PGGT1B: variants seen among roughly 807,000 people sequenced by gnomAD.
PGGT1B encodes the protein geranylgeranyl transferase type-1 subunit beta.
In PGGT1B, 30 loss-of-function variants were observed where a neutral mutation model predicts 46.1. That is an observed-to-expected ratio of 0.65 (90% confidence interval 0.49 to 0.88). The LOEUF is 0.88. Ranked by LOEUF, PGGT1B falls within the 40% of genes least tolerant of loss-of-function variation. PGGT1B has a pLI of 0.00. For missense variants in PGGT1B, 376 were observed against 455.9 expected (o/e 0.82, Z 1.60); for synonymous variants, 170 against 160.0 (o/e 1.06, Z -0.47).
chr5:115,229,591 C>T (rs138646693), intron 6 of PGGT1B, among the ~76,000 whole-genome samples: 428 of 152,186 alleles, frequency 2.8e-3, no homozygotes, highest in Non-Finnish European at 5.1e-3. Context: ...GTTTCATATT[C>T]CAGAGAATAT....
At chr5:115,246,591 A>G (rs976642126) in intron 2 of PGGT1B, among the ~76,000 whole-genome samples, 1 of 152,148 alleles carries the variant, frequency 6.6e-6, no homozygotes, top group Non-Finnish European at 1.5e-5. Context: ...TAGTGTTCCT[A>G]TTTAACAGTT....
chr5:115,247,977 T>C (rs1455395051), intron 2 of PGGT1B, among the ~76,000 whole-genome samples: 1 of 152,196 alleles, frequency 6.6e-6, no homozygotes. Flanking sequence ...AGATGACTTA[T>C]AATTTTTAAA....
chr5:115,216,618 A>G (rs1281697851), intron 8 of PGGT1B, among the ~76,000 whole-genome samples: 1 of 152,200 alleles, frequency 6.6e-6, no homozygotes, highest in Non-Finnish European at 1.5e-5. Context: ...GAAATAAAAC[A>G]TTACTAAGTA....
At position 115,208,965 on chromosome 5, in the gene PGGT1B, C is replaced by T. The variant is rs975586077; in HGVS notation, c.*3437G>A. 1 of 151,918 alleles carries T rather than the reference C, an allele frequency of 6.6e-6. No individual in the cohort carries two copies. The highest frequency in any genetic ancestry group is 1.5e-5 in the Non-Finnish European group (1 of 67,948). 9.4% of individuals were successfully genotyped at this position (151,918 alleles called of 1,614,324 possible). A position where few individuals can be genotyped will look rare whatever the true frequency, so the allele number is the denominator to read the frequency against. ...TCTATTTATTCTCTTATTTCTTATA[C>T]TAACTTTGACTGGAGTTGGACTGTA... is the stretch of plus-strand genomic sequence containing the variant. On this transcript the variant is annotated 3_prime_UTR_variant, in exon 9 of 9. Transcript: ENST00000419445.
chr5:115,221,863 T>C lies in PGGT1B; in HGVS notation c.804A>G (p.Val268=). 1 of 1,607,190 alleles carries C rather than the reference T, an allele frequency of 6.2e-7. No homozygotes were observed. The highest frequency in any genetic ancestry group is 1.1e-5 in the South Asian group (1 of 90,170). ...NGYHGRPNKP[V]DTCYSFWVGA... is the part of the protein sequence containing the mutation. ...CCACCCAAAAAGAATAACAGGTGTC[T>C]ACAGGCTTATTAGGTCTTCCATGAT... The change falls in exon 7 of 9, where the codon GTA becomes GTG. Residue 268 remains valine, a synonymous_variant. Transcript: ENST00000419445.
intron 6 of PGGT1B, among the ~76,000 whole-genome samples, chr5:115,229,911 A>G (rs567646083): frequency 1.1e-4 from 16 of 152,272 alleles, no homozygotes; most frequent in South Asian, 2.1e-4. Flanking sequence ...AGTGTTCTAT[A>G]TACCCCTTAG....
At chr5:115,259,474 G>A (rs1748458398) in intron 1 of PGGT1B, among the ~76,000 whole-genome samples, 1 of 152,082 alleles carries the variant, frequency 6.6e-6, no homozygotes, top group Non-Finnish European at 1.5e-5. Flanking sequence ...CGGATCACAA[G>A]GCCAAGAGAC....
At chr5:115,228,165 C>T (rs1203207857) in intron 6 of PGGT1B, among the ~76,000 whole-genome samples, 1 of 152,064 alleles carries the variant, frequency 6.6e-6, no homozygotes, top group African/African-American at 2.4e-5. Flanking sequence ...AAAGATGCCT[C>T]GCAAGCAAAT....
Position 115,204,218 on chromosome 5 carries a change from C to T in PGGT1B, c.*8184G>A, listed in dbSNP as rs995721729. 2.6e-5 allele frequency: 4 copies of T among 152,128 alleles called. No homozygotes were observed. The highest frequency in any genetic ancestry group is 9.7e-5 in the African/African-American group (4 of 41,422). 9.4% of individuals were successfully genotyped at this position (152,128 alleles called of 1,614,324 possible). On this transcript the variant is annotated 3_prime_UTR_variant, in exon 9 of 9. Coordinates refer to ENST00000419445, the MANE Select transcript of PGGT1B (RefSeq NM_005023.4). ...GCTTTTTCTCTATCAGTGATTGGTT[C>T]TCAACTTTGAATGTGCATTGAAACC...
Position 115,253,222 on chromosome 5 carries a change from CAGCCCGG to C in PGGT1B, c.167_173del (p.Ser56TrpfsTer7). 6.3e-7 allele frequency: 1 copy of C among 1,587,130 alleles called. No individual in the cohort carries two copies. The highest frequency in any genetic ancestry group is 8.5e-7 in the Non-Finnish European group (1 of 1,170,868). On this transcript the variant is annotated frameshift_variant, in exon 2 of 9. Coordinates refer to ENST00000419445, the MANE Select transcript of PGGT1B (RefSeq NM_005023.4). LOFTEE classifies it high-confidence loss of function. Reference sequence around the variant, plus strand: ...CCACATCTAAGGAATCCAACATATCCAGCCCGGAGAGTGCAAAAAATGCAATTGTCAA... The same window carrying C: ...CCACATCTAAGGAATCCAACATATCCAGAGTGCAAAAAATGCAATTGTCAA...
At chr5:115,219,809 A>C (rs1756532574) in intron 7 of PGGT1B, among the ~76,000 whole-genome samples, 1 of 151,906 alleles carries the variant, frequency 6.6e-6, no homozygotes, top group South Asian at 2.1e-4. Context: ...GAAGATATAC[A>C]AATGACCAAT....
intron 6 of PGGT1B, among the ~76,000 whole-genome samples, chr5:115,226,907 T>C (rs890572867): frequency 1.1e-4 from 16 of 151,826 alleles, no homozygotes; most frequent in African/African-American, 3.9e-4. Flanking sequence ...TATAGAAAGA[T>C]AGATTAAACT....
intron 7 of PGGT1B, among the ~76,000 whole-genome samples, chr5:115,220,956 C>G (rs941509589): frequency 6.6e-6 from 1 of 151,912 alleles, no homozygotes; most frequent in Non-Finnish European, 1.5e-5. Context: ...TTGATGGACA[C>G]ATGGGTGTTA....
intron 6 of PGGT1B, among the ~76,000 whole-genome samples, chr5:115,229,761 T>A (rs1454125592): frequency 6.6e-6 from 1 of 152,120 alleles, no homozygotes; most frequent in Non-Finnish European, 1.5e-5. Flanking sequence ...TATAACTATA[T>A]CCCTCTTGAT....
At chr5:115,243,458 C>A (rs1358823126) in intron 2 of PGGT1B, among the ~76,000 whole-genome samples, 1 of 152,058 alleles carries the variant, frequency 6.6e-6, no homozygotes, top group Admixed American at 6.5e-5. Flanking sequence ...AATAAATGTG[C>A]ATTTTTATGT....
chr5:115,245,065 C>T (rs1747769785), intron 2 of PGGT1B, among the ~76,000 whole-genome samples: 1 of 152,014 alleles, frequency 6.6e-6, no homozygotes, highest in South Asian at 2.1e-4. Flanking sequence ...GCTAACAGTC[C>T]TCCATAAAAA....
intron 1 of PGGT1B, among the ~76,000 whole-genome samples, chr5:115,253,640 A>T (rs1055059407): frequency 1.3e-5 from 2 of 152,184 alleles, no homozygotes; most frequent in African/African-American, 4.8e-5. Flanking sequence ...CTAATTTGTC[A>T]GGATCAATTA....
chr5:115,216,312 G>C (rs1756415559), intron 8 of PGGT1B, among the ~76,000 whole-genome samples: 1 of 152,004 alleles, frequency 6.6e-6, no homozygotes, highest in Non-Finnish European at 1.5e-5. Flanking sequence ...GCTGATTTTT[G>C]TATTTTTAGT....
At chr5:115,243,420 C>G (rs1344922877) in intron 2 of PGGT1B, among the ~76,000 whole-genome samples, 1 of 151,968 alleles carries the variant, frequency 6.6e-6, no homozygotes, top group Non-Finnish European at 1.5e-5. Context: ...TGTATTTGAT[C>G]AAGTTAAGCA....
Sources: allele counts gnomAD v4.1 joint callset (sites outside exome capture counted in the v4.1 genomes callset), GRCh38; gene constraint gnomAD v4.1.1; transcripts MANE v1.5; gene names NCBI Gene and HGNC (gene_info 2026-07-23, HGNC 2026-07-21).